NPAT: variants seen among roughly 807,000 people sequenced by gnomAD.
NPAT encodes the protein protein NPAT.
NPAT carries 52 observed loss-of-function variants against 130.7 expected under a neutral mutation model. That is an observed-to-expected ratio of 0.40 (90% CI 0.32 to 0.50). NPAT has a LOEUF of 0.50. Among genes scored for constraint, NPAT ranks in the 20% least tolerant of loss-of-function variants. NPAT has a pLI of 0.68. For missense variants in NPAT, 1,687 were observed against 1,662.6 expected, an observed-to-expected ratio of 1.01 and a Z score of -0.26; for synonymous variants, 580 against 584.8, an observed-to-expected ratio of 0.99 and a Z score of 0.12.
At chr11:108,184,070 T>A (rs570079710) in intron 10 of NPAT, among the ~76,000 whole-genome samples, 152 of 152,320 alleles carry the variant, frequency 1.0e-3, no homozygotes, top group African/African-American at 3.6e-3. Flanking sequence ...TCTTTTGTAT[T>A]TACTACCAAT....
In NPAT at chr11:108,161,542, C is replaced by G; in HGVS notation, c.3544G>C (p.Glu1182Gln). ...CSDVERQKNP[E>Q]NSKLSIGQQN... Reference sequence around the variant, plus strand: ...TGCCCAATAGATAGTTTTGAATTTTCTGGATTTTTCTGTCTTTCTACATCG... The same window carrying G: ...TGCCCAATAGATAGTTTTGAATTTTGTGGATTTTTCTGTCTTTCTACATCG... Residue 1182 changes from glutamate to glutamine, a missense_variant, in exon 17 of 18, where the codon GAA becomes CAA. Physicochemically the swap from Glu to Gln is conservative, Grantham distance 29 (BLOSUM62 2). Coordinates refer to ENST00000278612, the MANE Select transcript of NPAT (RefSeq NM_002519.3). 1.2e-6 allele frequency: 2 copies of G among 1,614,166 alleles called. No individual in the cohort carries two copies. Among genetic ancestry groups the G allele is most frequent in the South Asian group, 1.1e-5 (1 of 91,076 alleles).
intron 15 of NPAT, among the ~76,000 whole-genome samples, chr11:108,167,379 T>G (rs958339659): frequency 6.6e-6 from 1 of 152,144 alleles, no homozygotes; most frequent in African/African-American, 2.4e-5. Flanking sequence ...TGGCTACTTT[T>G]AAAAAATTTA....
chr11:108,200,250 C>T (rs1435087368), intron 1 of NPAT, among the ~76,000 whole-genome samples: 2 of 152,176 alleles, frequency 1.3e-5, no homozygotes, highest in Non-Finnish European at 2.9e-5. Context: ...TCTTGGGAGG[C>T]AACTTATTAG....
intron 1 of NPAT, among the ~76,000 whole-genome samples, chr11:108,199,855 G>C (rs1383410431): frequency 6.6e-6 from 1 of 152,172 alleles, no homozygotes; most frequent in Non-Finnish European, 1.5e-5. Flanking sequence ...CCGTTCGGGT[G>C]TCAGTCAAGA....
intron 1 of NPAT, 154 bp downstream of exon 1, chr11:108,222,346 C>G: frequency 1.2e-6 from 1 of 807,236 alleles, no homozygotes; most frequent in South Asian, 1.5e-5. Context: ...CTGCCCAGAA[C>G]CTCCGAATGA....
rs955683840 is a variant in NPAT, at chr11:108,193,910, T to C, written c.217+47A>G. ...ATCATTTTTAACTAAATCAAGTAGA[T>C]AAATATTGTATACATCAGCAAAAAA... On this transcript the variant is annotated intron_variant, in intron 3 of 17. Transcript: ENST00000278612. 2.7e-6 allele frequency: 3 copies of C among 1,095,350 alleles called. No individual in the cohort carries two copies. In the African/African-American group the frequency reaches 4.6e-5, roughly 17 times the overall value. 67.9% of individuals were successfully genotyped at this position (1,095,350 alleles called of 1,614,324 possible). A position where few individuals can be genotyped will look rare whatever the true frequency, so the allele number is the denominator to read the frequency against.
intron 2 of NPAT, among the ~76,000 whole-genome samples, chr11:108,195,734 C>T (rs982780647): frequency 6.6e-5 from 10 of 152,230 alleles, no homozygotes; most frequent in Admixed American, 5.9e-4. Context: ...CTCATGCAAT[C>T]CTCCAGCCTC....
At chr11:108,165,202 T>C (rs2077889701) in intron 15 of NPAT, among the ~76,000 whole-genome samples, 1 of 152,062 alleles carries the variant, frequency 6.6e-6, no homozygotes, top group South Asian at 2.1e-4. Flanking sequence ...GTATGGTGTC[T>C]TTTGTTGAAC....
chr11:108,190,032 C>T (rs986834565), intron 5 of NPAT, among the ~76,000 whole-genome samples: 1 of 151,622 alleles, frequency 6.6e-6, no homozygotes, highest in East Asian at 1.9e-4. Context: ...GGTAGTTTGG[C>T]CAGGTGCGGT....
At chr11:108,213,484 A>C (rs1179232679) in intron 1 of NPAT, among the ~76,000 whole-genome samples, 1 of 152,238 alleles carries the variant, frequency 6.6e-6, no homozygotes, top group African/African-American at 2.4e-5. Context: ...AAAAACTGGA[A>C]AACGTCACTG....
At position 108,186,607 on chromosome 11, in the gene NPAT, T is replaced by A. The variant is rs370014766; in HGVS notation, c.639-38A>T. On this transcript the variant is annotated intron_variant, in intron 7 of 17. Transcript: ENST00000278612. The stretch of plus-strand genomic sequence containing the variant: ...TTAAAAGCTTTTCTTTTAACCACTA[T>A]ATTTAACAGATTTAAAGATAAATAC... 2.8e-5 allele frequency: 42 copies of A among 1,494,854 alleles called. No homozygotes were observed. In the African/African-American group the frequency reaches 5.5e-4, roughly 20 times the overall value. 92.6% of individuals were successfully genotyped at this position (1,494,854 alleles called of 1,614,324 possible). A position where few individuals can be genotyped will look rare whatever the true frequency, so the allele number is the denominator to read the frequency against.
rs751236366 is a variant in NPAT, at chr11:108,197,322, A to G, written c.136T>C (p.Phe46Leu). ...EYAEHCTDEG[F>L]IPACLLSLFG... ...CTCACCAGTAAGCAGGCTGGAATAAACCCTTCATCTGTACAATGTTCTGCA... is the reference window on the plus strand; with the variant it reads ...CTCACCAGTAAGCAGGCTGGAATAAGCCCTTCATCTGTACAATGTTCTGCA... The change falls in exon 2 of 18, where the codon TTT becomes CTT. Residue 46 changes from phenylalanine (F) to leucine (L), a missense_variant. Phe to Leu is a conservative substitution (Grantham distance 22, BLOSUM62 0). Coordinates refer to ENST00000278612, the MANE Select transcript of NPAT (RefSeq NM_002519.3). 3.7e-6 allele frequency: 6 copies of G among 1,606,186 alleles called. No homozygotes were observed. The South Asian group carries it at 6.6e-5, about 18-fold the overall frequency.
intron 3 of NPAT, among the ~76,000 whole-genome samples, chr11:108,192,501 A>G (rs1306059976): frequency 6.6e-6 from 1 of 152,194 alleles, no homozygotes; most frequent in African/African-American, 2.4e-5. Context: ...TCTTTGTTCT[A>G]TCTGATATCA....
intron 10 of NPAT, among the ~76,000 whole-genome samples, chr11:108,183,684 C>T (rs1170412445): frequency 1.3e-5 from 2 of 152,144 alleles, no homozygotes; most frequent in East Asian, 3.9e-4. Context: ...TGCCTATAAT[C>T]CCAGCTACTT....
chr11:108,175,514 C>T lies in NPAT; in HGVS notation c.1132+732G>A, dbSNP rs189809433. Among the ~76,000 whole-genome samples the T allele has an allele frequency of 1.6e-4, 24 of 152,238 alleles. No homozygotes were observed. In the East Asian group the frequency reaches 3.7e-3, roughly 23 times the overall value. On this transcript the variant is annotated intron_variant, in intron 12 of 17. Transcript: ENST00000278612. ...GAAGTAGGATGACTTTCTCAGAAAA[C>T]GGAATTTCAAGTTTCACTTTGTACA...
intron 1 of NPAT, among the ~76,000 whole-genome samples, chr11:108,211,194 AAC>A (rs2134895470): frequency 6.6e-6 from 1 of 152,046 alleles, no homozygotes; most frequent in South Asian, 2.1e-4. Context: ...CCAGCTTGGC[AAC>A]AGAGTGAGAC....
At chr11:108,213,271 C>T (rs1411543518) in intron 1 of NPAT, among the ~76,000 whole-genome samples, 1 of 152,106 alleles carries the variant, frequency 6.6e-6, no homozygotes, top group Non-Finnish European at 1.5e-5. Flanking sequence ...GAAACTCTGT[C>T]CCAAAAACAA....
In NPAT at chr11:108,185,482, C is replaced by T; in HGVS notation, c.739G>A (p.Glu247Lys). The T allele has an allele frequency of 1.2e-6, 2 of 1,608,266 alleles. No individual in the cohort carries two copies. The highest frequency in any genetic ancestry group is 1.7e-6 in the Non-Finnish European group (2 of 1,175,694). ...CTTAGTATTTTTTCTCGTGCATTTTCAATAACCATTTGCTGGAAAAGAAAG... is the reference window on the plus strand; with the variant it reads ...CTTAGTATTTTTTCTCGTGCATTTTTAATAACCATTTGCTGGAAAAGAAAG... Reference protein sequence around the residue: ...AFAVEKQMVIENAREKILSNK... With the variant: ...AFAVEKQMVIKNAREKILSNK... Residue 247 changes from glutamate (E) to lysine (K), a missense_variant, in exon 9 of 18, where the codon GAA becomes AAA. By Grantham distance (56) the Glu-to-Lys change is moderately conservative. This residue lies in a region of NPAT where 307 missense variants were observed against 298.9 expected (regional missense o/e 1.03). Transcript: ENST00000278612.
intron 15 of NPAT, among the ~76,000 whole-genome samples, chr11:108,167,749 C>T (rs1312283023): frequency 1.3e-5 from 2 of 152,186 alleles, no homozygotes; most frequent in Non-Finnish European, 2.9e-5. Context: ...GAGCTTTTAT[C>T]ATAAATGGAT....
Sources: allele counts gnomAD v4.1 joint callset (sites outside exome capture counted in the v4.1 genomes callset), GRCh38; gene constraint gnomAD v4.1.1; regional missense constraint gnomAD v4.1.1; transcripts MANE v1.5; gene names NCBI Gene and HGNC (gene_info 2026-07-23, HGNC 2026-07-21).